Variants in DRC7 observed in about 807,000 individuals in gnomAD.
DRC7 encodes coiled-coil domain containing 135.
In DRC7, 80 loss-of-function variants were observed where a neutral mutation model predicts 104.4. That is an observed-to-expected ratio of 0.77 (90% CI 0.64 to 0.92). The LOEUF is 0.92. Among genes scored for constraint, DRC7 ranks in the 40% least tolerant of loss-of-function variants. The pLI is 0.00. For synonymous variants in DRC7, 405 were observed against 447.3 expected (o/e 0.91, Z 1.19); for missense variants, 1,034 against 1,141.1 (o/e 0.91, Z 1.35).
At chr16:57,730,384 G>A (rs551536518) in intron 17 of DRC7, among the ~76,000 whole-genome samples, 10 of 151,780 alleles carry the variant, frequency 6.6e-5, no homozygotes, top group African/African-American at 1.7e-4. Flanking sequence ...CGGTTGGATG[G>A]ATGAGTGGAA....
chr16:57,724,977 T>C, intron 13 of DRC7, 142 bp downstream of exon 13: 1 of 633,930 alleles, frequency 1.6e-6, no homozygotes, highest in Non-Finnish European at 2.8e-6. Flanking sequence ...CCAAGCATTT[T>C]ACCAAATGTA....
intron 8 of DRC7, 54 bp from the exon 9 acceptor site, chr16:57,718,293 T>G (rs1293320392): frequency 6.3e-7 from 1 of 1,595,390 alleles, no homozygotes; most frequent in East Asian, 2.2e-5. Flanking sequence ...ATGGATCAGG[T>G]GGGGACGTGG....
At chr16:57,695,808 C>T (rs1178915277) in intron 1 of DRC7, among the ~76,000 whole-genome samples, 1 of 152,232 alleles carries the variant, frequency 6.6e-6, no homozygotes, top group Non-Finnish European at 1.5e-5. Context: ...CAGACAGTGA[C>T]CCAAGGGTCC....
chr16:57,707,943 A>C (rs2048751028), intron 8 of DRC7: 1 of 510,290 alleles, frequency 2.0e-6, no homozygotes, highest in Admixed American at 3.3e-5. Context: ...ATTGAAGTGT[A>C]ACCTACATGC....
intron 12 of DRC7, among the ~76,000 whole-genome samples, chr16:57,723,838 G>A (rs1412157537): frequency 3.0e-5 from 4 of 135,490 alleles, no homozygotes; most frequent in African/African-American, 8.7e-5. Context: ...TAAAAAAAAA[G>A]AAACTAATAA....
At chr16:57,699,486 A>G (rs2048634731) in intron 4 of DRC7, among the ~76,000 whole-genome samples, 1 of 152,160 alleles carries the variant, frequency 6.6e-6, no homozygotes, top group African/African-American at 2.4e-5. Context: ...CTACAGATGG[A>G]GAAACTGAGG....
intron 13 of DRC7, 95 bp downstream of exon 13, chr16:57,724,930 T>A: frequency 1.0e-6 from 1 of 968,524 alleles, no homozygotes; most frequent in Non-Finnish European, 1.6e-6. Context: ...GGGGTGGCAT[T>A]AAGGCCTGAG....
chr16:57,707,401 G>C (rs2048742974), intron 7 of DRC7, 59 bp from the exon 8 acceptor site: 1 of 1,504,786 alleles, frequency 6.6e-7, no homozygotes, highest in African/African-American at 1.4e-5. Context: ...GAGATGTCTG[G>C]GCCCCTGACA....
intron 6 of DRC7, among the ~76,000 whole-genome samples, chr16:57,703,830 G>T (rs756637583): frequency 6.6e-6 from 1 of 152,050 alleles, no homozygotes; most frequent in Non-Finnish European, 1.5e-5. Context: ...AGCTGGGTGT[G>T]GTGGTGCATG....
intron 6 of DRC7, 26 bp downstream of exon 6, chr16:57,702,156 G>C (rs2048667040): frequency 1.2e-6 from 2 of 1,610,522 alleles, no homozygotes; most frequent in Non-Finnish European, 1.7e-6. Context: ...AGCTGCCCGG[G>C]TTTCCCAAAG....
chr16:57,728,411 C>T lies in DRC7; in HGVS notation c.2218C>T (p.His740Tyr). The change falls in exon 17 of 19, where the codon CAC becomes TAC. Residue 740 changes from histidine to tyrosine, a missense_variant. Transcript: ENST00000360716. ...EAMERMMHEE[H>Y]LRQVETQLDY... Reference sequence around the variant, plus strand: ...ACAGGAGCGCATGATGCACGAAGAGCACCTGCGGCAGGTGGAGACCCAGCT... The same window carrying T: ...ACAGGAGCGCATGATGCACGAAGAGTACCTGCGGCAGGTGGAGACCCAGCT... 1.9e-6 allele frequency: 3 copies of T among 1,603,366 alleles called. No individual in the cohort carries two copies. Among genetic ancestry groups the T allele is most frequent in the African/African-American group, 2.7e-5 (2 of 74,578 alleles).
At position 57,701,953 on chromosome 16, in the gene DRC7, C is replaced by T. The variant is rs2048662992; in HGVS notation, c.522C>T (p.Ser174=). The stretch of plus-strand genomic sequence containing the variant: ...GTGACCAGCCCTCGCACCTGTACTC[C>T]TCGACCACTGTGCTCAAGTACCAGA... ...DPLKPPSHLY[S]STTVLKYQKG... Residue 174 remains serine (S), a synonymous_variant, in exon 6 of 19, where the codon TCC becomes TCT. Transcript: ENST00000360716. 1 of 1,614,106 alleles carries T rather than the reference C, an allele frequency of 6.2e-7. No individual in the cohort carries two copies. The highest frequency in any genetic ancestry group is 8.5e-7 in the Non-Finnish European group (1 of 1,179,996).
chr16:57,718,616 GAGCAATT>G (rs1218445565), intron 9 of DRC7, 141 bp downstream of exon 9: 18 of 1,059,764 alleles, frequency 1.7e-5, no homozygotes, highest in Non-Finnish European at 2.3e-5. Flanking sequence ...AGGAAGGCTT[GAGCAATT>G]CCCTTATTTT....
chr16:57,711,057 T>C (rs958241694), intron 8 of DRC7, among the ~76,000 whole-genome samples: 1 of 152,230 alleles, frequency 6.6e-6, no homozygotes, highest in Non-Finnish European at 1.5e-5. Flanking sequence ...AGAATTGGCA[T>C]GATTTCCTTT....
intron 10 of DRC7, among the ~76,000 whole-genome samples, chr16:57,722,367 GA>G (rs2048912982): frequency 6.6e-6 from 1 of 152,266 alleles, no homozygotes; most frequent in South Asian, 2.1e-4. Flanking sequence ...GGAAGGATCT[GA>G]AGGAGTCAGT....
In DRC7 at chr16:57,699,010, G is replaced by A. The variant is rs773000755; in HGVS notation, c.364G>A (p.Glu122Lys). 23 of 1,614,030 alleles carry A rather than the reference G, an allele frequency of 1.4e-5. No homozygotes were observed. Among genetic ancestry groups the A allele is most frequent in the Non-Finnish European group, 1.8e-5 (21 of 1,179,966 alleles). The change falls in exon 4 of 19, where the codon GAG (glutamate) becomes AAG (lysine). Residue 122 changes from glutamate (E) to lysine (K), a missense_variant. Glu to Lys is a moderately conservative substitution (Grantham distance 56). Coordinates refer to ENST00000360716, the MANE Select transcript of DRC7 (RefSeq NM_001289162.2). ...RVPLFLHPLN[E>K]CEVPKFVSTT... is the part of the protein sequence containing the mutation. The stretch of plus-strand genomic sequence containing the variant: ...GCCCCTCTTCCTGCACCCCCTGAAC[G>A]AGTGTGAAGTGCCCGTAAGGCTGGC...
At chr16:57,728,688 G>A in intron 17 of DRC7, 104 bp downstream of exon 17, 1 of 894,082 alleles carries the variant, frequency 1.1e-6, no homozygotes. Flanking sequence ...GTGAGGGCCT[G>A]ATGACGGGAT....
chr16:57,725,960 C>T lies in DRC7; in HGVS notation c.1759-108C>T, dbSNP rs555839538. 40 of 944,834 alleles carry T rather than the reference C, an allele frequency of 4.2e-5. No individual in the cohort carries two copies. The African/African-American group carries it at 5.7e-4, about 13-fold the overall frequency. 58.5% of individuals were successfully genotyped at this position (944,834 alleles called of 1,614,324 possible). A position where few individuals can be genotyped will look rare whatever the true frequency, so the allele number is the denominator to read the frequency against. On this transcript the variant is annotated intron_variant, in intron 13 of 18. Transcript: ENST00000360716. ...TTCCACGTGAATCGCCAAACGACCCCAGACTCCAGTGTCCTGAACGTTCGT... is the reference window on the plus strand; with the variant it reads ...TTCCACGTGAATCGCCAAACGACCCTAGACTCCAGTGTCCTGAACGTTCGT...
chr16:57,712,898 T>G (rs572248627), intron 8 of DRC7, among the ~76,000 whole-genome samples: 14 of 152,208 alleles, frequency 9.2e-5, no homozygotes, highest in Non-Finnish European at 1.9e-4. Context: ...TCCCACACAT[T>G]TTACTCTATC....
Sources: allele counts gnomAD v4.1 joint callset (sites outside exome capture counted in the v4.1 genomes callset), GRCh38; gene constraint gnomAD v4.1.1; transcripts MANE v1.5; gene names NCBI Gene and HGNC (gene_info 2026-07-23, HGNC 2026-07-21).